RPH3A: variants seen among roughly 807,000 people sequenced by gnomAD.
RPH3A encodes rabphilin 3A, also known as rabphilin-3A.
Under a neutral mutation model 102.2 loss-of-function variants are expected in RPH3A, and 48 were observed. The observed-to-expected ratio is 0.47, with a 90% CI of 0.37 to 0.60. The LOEUF (loss-of-function observed/expected upper bound fraction) is 0.60, where lower values mean the gene tolerates loss of function less well. Ranked by LOEUF, RPH3A falls within the 20% of genes least tolerant of loss-of-function variation. The probability of loss-of-function intolerance (pLI) is 0.00; values close to 1 mark genes in which losing one functional copy is unlikely to be tolerated. For missense variants in RPH3A, 781 were observed against 910.1 expected (o/e 0.86, Z 1.83); for synonymous variants, 310 against 324.3 (o/e 0.96, Z 0.47).
At chr12:112,798,758 C>T (rs768140231) in intron 2 of RPH3A, among the ~76,000 whole-genome samples, 1 of 151,920 alleles carries the variant, frequency 6.6e-6, no homozygotes, top group Non-Finnish European at 1.5e-5. Context: ...TCCTTTTTCC[C>T]TGCCCCTGTC....
rs1442294197 is a variant in RPH3A, at chr12:112,791,962, C to T, written c.-190C>T. 1 of 149,468 alleles carries T rather than the reference C, an allele frequency of 6.7e-6. No individual in the cohort carries two copies. Among genetic ancestry groups the T allele is most frequent in the African/African-American group, 2.5e-5 (1 of 40,298 alleles). 9.3% of individuals were successfully genotyped at this position (149,468 alleles called of 1,614,324 possible). ...GGACAGTCTGAGGGAGCCACTGTCC[C>T]TTGTCCACTGACTCACTGGCTGGTC... On this transcript the variant is annotated 5_prime_UTR_variant, in exon 1 of 22. Coordinates refer to ENST00000389385, the MANE Select transcript of RPH3A (RefSeq NM_001143854.2).
upstream of RPH3A, among the ~76,000 whole-genome samples, chr12:112,789,217 C>T (rs1295447411): frequency 1.3e-5 from 2 of 152,146 alleles, no homozygotes; most frequent in Non-Finnish European, 2.9e-5. Context: ...CTGCCCTAGG[C>T]AATAGACCAC....
chr12:112,824,661 T>G (rs992071017), intron 2 of RPH3A, among the ~76,000 whole-genome samples: 4 of 152,124 alleles, frequency 2.6e-5, no homozygotes, highest in African/African-American at 9.7e-5. Flanking sequence ...TCCTGGGATG[T>G]TAAGTGCATT....
chr12:112,774,419 T>C (rs1368441381), intron 1 of RPH3A, among the ~76,000 whole-genome samples: 2 of 152,194 alleles, frequency 1.3e-5, no homozygotes, highest in Non-Finnish European at 2.9e-5. Flanking sequence ...GTCCTGGATA[T>C]AGATGAGAGC....
intron 1 of RPH3A, among the ~76,000 whole-genome samples, chr12:112,762,946 C>G (rs2040864130): frequency 6.6e-6 from 1 of 152,186 alleles, no homozygotes; most frequent in Non-Finnish European, 1.5e-5. Context: ...TGTGACCATC[C>G]TCTAGGCAAT....
chr12:112,612,714 A>T (rs1755590386), intron 1 of RPH3A, among the ~76,000 whole-genome samples: 1 of 151,220 alleles, frequency 6.6e-6, no homozygotes, highest in Admixed American at 6.6e-5. Context: ...ACAGGTGTGC[A>T]CTGCCATGCC....
At chr12:112,729,495 A>AT (rs1230839429) in intron 1 of RPH3A, among the ~76,000 whole-genome samples, 20 of 151,528 alleles carry the variant, frequency 1.3e-4, no homozygotes, top group African/African-American at 4.9e-4. Flanking sequence ...ATACAAAGGG[A>AT]ATTTTTTTTT....
intron 19 of RPH3A, among the ~76,000 whole-genome samples, chr12:112,891,556 A>G (rs1252567793): frequency 1.3e-5 from 2 of 152,232 alleles, no homozygotes; most frequent in Non-Finnish European, 2.9e-5. Context: ...CATTCCAGGA[A>G]GTCTGCAGGG....
intron 2 of RPH3A, among the ~76,000 whole-genome samples, chr12:112,804,528 C>G (rs1249927387): frequency 5.3e-5 from 8 of 152,196 alleles, no homozygotes; most frequent in Non-Finnish European, 1.0e-4. Flanking sequence ...TGGTTGAAGC[C>G]TGGGATGTAT....
At chr12:112,712,895 T>TTCTTCTTCTTCC (rs1565856672) in intron 1 of RPH3A, among the ~76,000 whole-genome samples, 36 of 132,570 alleles carry the variant, frequency 2.7e-4, no homozygotes, top group African/African-American at 1.1e-3. Context: ...CTTCTTCTTC[T>TTCTTCTTCTTCC]TCTTCTTCCT....
At chr12:112,810,154 T>C (rs1196140467) in intron 2 of RPH3A, among the ~76,000 whole-genome samples, 1 of 152,228 alleles carries the variant, frequency 6.6e-6, no homozygotes, top group Non-Finnish European at 1.5e-5. Flanking sequence ...GAAATGACCT[T>C]GGAGTTTTCC....
intron 1 of RPH3A, among the ~76,000 whole-genome samples, chr12:112,627,449 ACATAT>A (rs2039774973): frequency 1.3e-5 from 2 of 150,344 alleles, no homozygotes; most frequent in Admixed American, 6.6e-5. Context: ...TCATATGATT[ACATAT>A]CATATAATAT....
chr12:112,614,037 C>T (rs1176770558), intron 1 of RPH3A, among the ~76,000 whole-genome samples: 1 of 152,112 alleles, frequency 6.6e-6, no homozygotes, highest in East Asian at 1.9e-4. Context: ...GAAGGGACCA[C>T]GAGCCAAGGA....
intron 2 of RPH3A, among the ~76,000 whole-genome samples, chr12:112,816,771 C>G (rs2041679190): frequency 6.6e-6 from 1 of 152,134 alleles, no homozygotes; most frequent in South Asian, 2.1e-4. Context: ...CATGTACTTA[C>G]TCTGGTTTCA....
chr12:112,719,682 A>C (rs1228913924), intron 1 of RPH3A, among the ~76,000 whole-genome samples: 1 of 138,800 alleles, frequency 7.2e-6, no homozygotes, highest in Non-Finnish European at 1.6e-5. Flanking sequence ...ATAGGCATAC[A>C]AGAATGGCAT....
intron 2 of RPH3A, among the ~76,000 whole-genome samples, chr12:112,795,729 C>T (rs2041215687): frequency 6.6e-6 from 1 of 152,198 alleles, no homozygotes; most frequent in African/African-American, 2.4e-5. Context: ...GATCTTGATC[C>T]TAGCACTTTC....
At chr12:112,740,002 A>G (rs1407197671) in intron 1 of RPH3A, among the ~76,000 whole-genome samples, 1 of 151,606 alleles carries the variant, frequency 6.6e-6, no homozygotes, top group African/African-American at 2.4e-5. Context: ...GGCTGGCCTC[A>G]CCCTCCCTTA....
At chr12:112,869,612 C>T in intron 8 of RPH3A, 147 bp from the exon 9 acceptor site, 1 of 746,640 alleles carries the variant, frequency 1.3e-6, no homozygotes, top group African/African-American at 1.8e-5. Context: ...GGAGCTAGAT[C>T]AAAGAGGAGG....
chr12:112,619,246 CTG>C (rs60894997), intron 1 of RPH3A, among the ~76,000 whole-genome samples: 27,448 of 124,800 alleles, frequency 0.22, 2,612 homozygotes, highest in East Asian at 0.34. Flanking sequence ...TATGGTAATT[CTG>C]TGTGTGTGTG....
Sources: allele counts gnomAD v4.1 joint callset (sites outside exome capture counted in the v4.1 genomes callset), GRCh38; gene constraint gnomAD v4.1.1; transcripts MANE v1.5; gene names NCBI Gene and HGNC (gene_info 2026-07-23, HGNC 2026-07-21).